Variants in ANXA8 observed in about 807,000 individuals in gnomAD.
ANXA8 encodes the protein VAC-beta.
ANXA8 carries 9 observed loss-of-function variants against 26.8 expected under a neutral mutation model. That is an observed-to-expected ratio of 0.34 (90% CI 0.20 to 0.59). The LOEUF (loss-of-function observed/expected upper bound fraction) is 0.59. ANXA8 is among the 20% of genes least tolerant of loss of function. The pLI is 0.84. For missense variants in ANXA8, 83 were observed against 238.5 expected, an observed-to-expected ratio of 0.35 and a Z score of 4.29; for synonymous variants, 39 against 94.8, an observed-to-expected ratio of 0.41 and a Z score of 3.42.
chr10:47,573,939 G>A, the ANXA8 span, among the ~76,000 whole-genome samples: 1 of 148,588 alleles, frequency 6.7e-6, no homozygotes, highest in African/African-American at 2.5e-5. Flanking sequence ...ATCACATCTT[G>A]TTCAAAGAAG....
the ANXA8 span, among the ~76,000 whole-genome samples, chr10:47,776,612 A>G: frequency 3.9e-5 from 6 of 152,174 alleles, no homozygotes; most frequent in African/African-American, 1.2e-4. Context: ...TAAAGTATTT[A>G]TCATTGGATC....
the ANXA8 span, among the ~76,000 whole-genome samples, chr10:47,682,634 A>T: frequency 6.6e-6 from 1 of 151,208 alleles, no homozygotes; most frequent in Non-Finnish European, 1.5e-5. Context: ...CATGCCTGGC[A>T]AATTTTTTGT....
the ANXA8 span, among the ~76,000 whole-genome samples, chr10:47,650,047 C>T: frequency 1.9e-3 from 282 of 148,624 alleles, no homozygotes; most frequent in Middle Eastern, 3.5e-3. Flanking sequence ...CTCTCTACTA[C>T]AAATACAAAA....
the ANXA8 span, among the ~76,000 whole-genome samples, chr10:47,613,655 TC>T: frequency 1.4e-5 from 1 of 71,978 alleles, no homozygotes; most frequent in African/African-American, 4.1e-5. Flanking sequence ...ACTCCAGTGG[TC>T]CCCAACCTCT....
the ANXA8 span, among the ~76,000 whole-genome samples, chr10:47,665,454 A>G: frequency 6.6e-6 from 1 of 151,254 alleles, no homozygotes; most frequent in Non-Finnish European, 1.5e-5. Context: ...TTCAGTTGGA[A>G]ATCATGATAA....
At chr10:47,536,836 C>T in the ANXA8 span, among the ~76,000 whole-genome samples, 1 of 120,792 alleles carries the variant, frequency 8.3e-6, no homozygotes, top group Non-Finnish European at 1.6e-5. Context: ...AGCTCATTTC[C>T]CAAATTTGAA....
the ANXA8 span, among the ~76,000 whole-genome samples, chr10:47,702,631 G>A: frequency 2.6e-5 from 4 of 151,640 alleles, no homozygotes; most frequent in Admixed American, 6.6e-5. Flanking sequence ...GTGAGCCACC[G>A]TGCCCGGCCT....
the ANXA8 span, among the ~76,000 whole-genome samples, chr10:47,610,360 A>G: frequency 4.9e-3 from 709 of 146,058 alleles, 37 homozygotes; most frequent in African/African-American, 0.018. Context: ...TAATATTATC[A>G]TTGAAGCATT....
chr10:47,493,170 T>G, the ANXA8 span, among the ~76,000 whole-genome samples: 1 of 151,016 alleles, frequency 6.6e-6, no homozygotes, highest in Non-Finnish European at 1.5e-5. Context: ...GAGGGGCCTC[T>G]TTATGAAAAA....
chr10:47,743,245 C>CAT, the ANXA8 span, among the ~76,000 whole-genome samples: 10,744 of 94,226 alleles, frequency 0.11, 841 homozygotes, highest in South Asian at 0.19. Context: ...CAACAGGCTT[C>CAT]ATATATATAT....
chr10:47,659,676 CAAAAA>C, the ANXA8 span, among the ~76,000 whole-genome samples: 2 of 80,548 alleles, frequency 2.5e-5, no homozygotes, highest in Non-Finnish European at 5.2e-5. Context: ...AACTCTGTCT[CAAAAA>C]AAAAAAAAAA....
chr10:47,718,193 A>G, the ANXA8 span, among the ~76,000 whole-genome samples: 1 of 152,234 alleles, frequency 6.6e-6, no homozygotes, highest in Admixed American at 6.5e-5. Flanking sequence ...TTTTTAGGCC[A>G]GACACATTGG....
the ANXA8 span, among the ~76,000 whole-genome samples, chr10:47,511,046 C>T: frequency 1.0e-4 from 13 of 126,248 alleles, 2 homozygotes; most frequent in Non-Finnish European, 1.8e-4. Flanking sequence ...CGGGTTCACG[C>T]CATTCTCCTG....
At chr10:47,591,738 G>C in the ANXA8 span, among the ~76,000 whole-genome samples, 1 of 125,682 alleles carries the variant, frequency 8.0e-6, no homozygotes, top group Non-Finnish European at 1.6e-5. Context: ...AAGCTACCGT[G>C]CCCAGCCAAG....
At chr10:47,622,066 C>CAAA in the ANXA8 span, among the ~76,000 whole-genome samples, 1 of 110,694 alleles carries the variant, frequency 9.0e-6, no homozygotes, top group African/African-American at 3.5e-5. Context: ...GCTGCAAAAA[C>CAAA]AAAAAAAATG....
At chr10:47,921,624 C>T in the ANXA8 span, among the ~76,000 whole-genome samples, 1 of 148,562 alleles carries the variant, frequency 6.7e-6, no homozygotes, top group Non-Finnish European at 1.5e-5. Flanking sequence ...TGACTATGGG[C>T]AAGTTGCTTT....
At chr10:47,636,768 T>C in the ANXA8 span, among the ~76,000 whole-genome samples, 7 of 152,176 alleles carry the variant, frequency 4.6e-5, no homozygotes, top group Admixed American at 3.9e-4. Flanking sequence ...CAGTGAGATA[T>C]TCAAGTTATG....
the ANXA8 span, among the ~76,000 whole-genome samples, chr10:47,650,050 A>G: frequency 6.7e-6 from 1 of 149,626 alleles, no homozygotes; most frequent in South Asian, 2.1e-4. Context: ...TCTACTACAA[A>G]TACAAAAATT....
chr10:47,525,729 G>A, the ANXA8 span, among the ~76,000 whole-genome samples: 9 of 133,062 alleles, frequency 6.8e-5, 1 homozygote, highest in African/African-American at 2.5e-4. Context: ...ATTGTGTCTT[G>A]TAGATGTATA....
Sources: gnomAD v4.1 joint callset for allele counts (sites outside exome capture counted in the v4.1 genomes callset) on GRCh38, gnomAD v4.1.1 for gene constraint, MANE v1.5 for transcripts, NCBI Gene and HGNC (gene_info 2026-07-23, HGNC 2026-07-21) for gene names.